The following ZKSCAN4 variants were observed in gnomAD, a reference collection of about 807,000 sequenced individuals.
ZKSCAN4 encodes zinc finger protein with KRAB and SCAN domains 4.
In ZKSCAN4, 23 loss-of-function variants were observed where a neutral mutation model predicts 30.8. That is an observed-to-expected ratio of 0.75 (90% CI 0.54 to 1.06). ZKSCAN4 has a LOEUF of 1.06. Among genes scored for constraint, ZKSCAN4 ranks in the 50% least tolerant of loss-of-function variants. ZKSCAN4 has a pLI of 0.00. For missense variants in ZKSCAN4, 556 were observed against 665.4 expected, an observed-to-expected ratio of 0.84 and a Z score of 1.81; for synonymous variants, 208 against 252.5, an observed-to-expected ratio of 0.82 and a Z score of 1.67.
At position 28,244,402 on chromosome 6, in the gene ZKSCAN4, G is replaced by A. The variant is rs1225196190; in HGVS notation, c.*714C>T. Among the ~76,000 whole-genome samples, 1 of 152,058 alleles carries A rather than the reference G, an allele frequency of 6.6e-6. No individual in the cohort carries two copies. The highest frequency in any genetic ancestry group is 1.5e-5 in the Non-Finnish European group (1 of 68,020). ...ACCAGACAGTGGAGTTCTATGGATG[G>A]AGCAATCTCACAGTGTCTTAATGAT... On this transcript the variant is annotated 3_prime_UTR_variant, in exon 5 of 5. Transcript: ENST00000377294.
In ZKSCAN4 at chr6:28,245,482, T is replaced by G; in HGVS notation, c.1272A>C (p.Lys424Asn). ...GGTATGGCTTCTCCCCAGTATGAAT[T>G]TTGTGATGTTCAAGGAGGCTGCAGC... The part of the protein sequence containing the change: ...SQSCSLLEHH[K>N]IHTGEKPYQC... Residue 424 changes from lysine to asparagine, a missense_variant, in exon 5 of 5, where the codon AAA becomes AAC. Transcript: ENST00000377294. The G allele has an allele frequency of 6.2e-7, 1 of 1,614,188 alleles. No individual in the cohort carries two copies.
At position 28,249,664 on chromosome 6, in the gene ZKSCAN4, A is replaced by G; in HGVS notation, c.571+23T>C. 1 of 1,603,832 alleles carries G rather than the reference A, an allele frequency of 6.2e-7. No homozygotes were observed. The highest frequency in any genetic ancestry group is 8.5e-7 in the Non-Finnish European group (1 of 1,175,742). On this transcript the variant is annotated intron_variant, in intron 2 of 4. Transcript: ENST00000377294. The surrounding 1 kb of genome is among the most constrained non-coding windows in gnomAD (Gnocchi z 4.1). ...ATTGGATGAAGTCTATAGAATTCATACAACCCAGAAGAGAATACTCACCTC... is the reference window on the plus strand; with the variant it reads ...ATTGGATGAAGTCTATAGAATTCATGCAACCCAGAAGAGAATACTCACCTC...
At position 28,245,094 on chromosome 6, in the gene ZKSCAN4, A is replaced by G; in HGVS notation, c.*22T>C. ...TCAGTTCAGTGACAAATGAGCACCA[A>G]TGTTGGCATGAATACCATGGGTCAC... On this transcript the variant is annotated 3_prime_UTR_variant, in exon 5 of 5. Coordinates refer to ENST00000377294, the MANE Select transcript of ZKSCAN4 (RefSeq NM_019110.5). The G allele has an allele frequency of 6.2e-7, 1 of 1,614,080 alleles. No homozygotes were observed. The highest frequency in any genetic ancestry group is 8.5e-7 in the Non-Finnish European group (1 of 1,179,978).
chr6:28,249,748 G>T lies in ZKSCAN4; in HGVS notation c.510C>A (p.Cys170Ter). ...TQTQGSQSSQ[C>*]QPMKALFKHE... Reference sequence around the variant, plus strand: ...GCTTGAACAGAGCCTTCATTGGCTGGCACTGGCTACTTTGAGACCCTTGAG... The same window carrying T: ...GCTTGAACAGAGCCTTCATTGGCTGTCACTGGCTACTTTGAGACCCTTGAG... The change falls in exon 2 of 5, where the codon TGC becomes TGA. Residue 170 changes from cysteine to a stop codon, truncating the protein, a stop_gained. Coordinates refer to ENST00000377294, the MANE Select transcript of ZKSCAN4 (RefSeq NM_019110.5). LOFTEE classifies it high-confidence loss of function. The surrounding 1 kb of genome is among the most constrained non-coding windows in gnomAD (Gnocchi z 4.1). The T allele has an allele frequency of 6.2e-7, 1 of 1,614,106 alleles. No individual in the cohort carries two copies. Among genetic ancestry groups the T allele is most frequent in the Non-Finnish European group, 8.5e-7 (1 of 1,180,024 alleles).
In ZKSCAN4 at chr6:28,249,759, T is replaced by C. The variant is rs1280836130; in HGVS notation, c.499A>G (p.Ser167Gly). The change falls in exon 2 of 5, where the codon AGT (serine) becomes GGT (glycine). Residue 167 changes from serine to glycine, a missense_variant. Physicochemically the swap from Ser to Gly is moderately conservative, Grantham distance 56. This residue lies in a region of ZKSCAN4 where 433 missense variants were observed against 511.5 expected (regional missense o/e 0.85). Transcript: ENST00000377294. The surrounding 1 kb of genome is among the most constrained non-coding windows in gnomAD (Gnocchi z 4.1). Reference sequence around the variant, plus strand: ...GCCTTCATTGGCTGGCACTGGCTACTTTGAGACCCTTGAGTTTGTGTCAAT... The same window carrying C: ...GCCTTCATTGGCTGGCACTGGCTACCTTGAGACCCTTGAGTTTGTGTCAAT... ...ALLTQTQGSQSSQCQPMKALF... is the reference protein window; with the variant it reads ...ALLTQTQGSQGSQCQPMKALF... 1 of 1,614,176 alleles carries C rather than the reference T, an allele frequency of 6.2e-7. No homozygotes were observed. Among genetic ancestry groups the C allele is most frequent in the Admixed American group, 1.7e-5 (1 of 60,022 alleles).
chr6:28,258,317 G>T, the ZKSCAN4 span, among the ~76,000 whole-genome samples: 7 of 152,108 alleles, frequency 4.6e-5, no homozygotes, highest in African/African-American at 1.7e-4. Context: ...TGCATAAAAC[G>T]TTTATCATTT....
At position 28,245,008 on chromosome 6, in the gene ZKSCAN4, A is replaced by G. The variant is rs116630754; in HGVS notation, c.*108T>C. ...TACATTTTCTAATACCCGATGATGT[A>G]TAGTGGTAAATAAAGCCCTGGTCCA... On this transcript the variant is annotated 3_prime_UTR_variant, in exon 5 of 5. Coordinates refer to ENST00000377294, the MANE Select transcript of ZKSCAN4 (RefSeq NM_019110.5). 4,979 of 1,309,416 alleles carry G rather than the reference A, an allele frequency of 3.8e-3. 92 individuals are homozygous for G. The African/African-American group carries it at 0.051, about 14-fold the overall frequency. 81.1% of individuals were successfully genotyped at this position (1,309,416 alleles called of 1,614,324 possible).
Position 28,251,733 on chromosome 6 carries a change from T to A in ZKSCAN4, c.248A>T (p.Gln83Leu), listed in dbSNP as rs572274190. 5 of 1,614,266 alleles carry A rather than the reference T, an allele frequency of 3.1e-6. No homozygotes were observed. The Admixed American group carries it at 8.3e-5, about 27-fold the overall frequency. ...CTGCTCCTTGCTGTGCATCTCAGGC[T>A]GCAGCCATTGTCCGCAGAGTTCTCG... ...RLRELCGQWL[Q>L]PEMHSKEQIL... Residue 83 changes from glutamine to leucine, a missense_variant, in exon 1 of 5, where the codon CAG becomes CTG. Physicochemically the swap from Gln to Leu is moderately radical, Grantham distance 113. Around this residue, in one of 3 missense-constraint regions of ZKSCAN4, gnomAD observed 115 missense variants for 125.9 expected, o/e 0.91. Coordinates refer to ENST00000377294, the MANE Select transcript of ZKSCAN4 (RefSeq NM_019110.5). The surrounding 1 kb of genome is among the most constrained non-coding windows in gnomAD (Gnocchi z 4.5).
At chr6:28,250,723 T>TAC (rs1760957936) in intron 1 of ZKSCAN4, among the ~76,000 whole-genome samples, 1 of 152,166 alleles carries the variant, frequency 6.6e-6, no homozygotes, top group African/African-American at 2.4e-5. Context: ...AAATTACAGT[T>TAC]TTCAAGTTAC....
chr6:28,246,125 G>A lies in ZKSCAN4; in HGVS notation c.779-150C>T. ...TAGAATAAGAATGGGAATAAAAAGG[G>A]AGAACAGGGGTGCTGGGGAGGAAGG... is the stretch of plus-strand genomic sequence containing the variant. On this transcript the variant is annotated intron_variant, in intron 4 of 4. Coordinates refer to ENST00000377294, the MANE Select transcript of ZKSCAN4 (RefSeq NM_019110.5). The A allele has an allele frequency of 4.6e-6, 5 of 1,076,122 alleles. No homozygotes were observed. In the South Asian group the frequency reaches 7.7e-5, roughly 17 times the overall value. 66.7% of individuals were successfully genotyped at this position (1,076,122 alleles called of 1,614,324 possible). A position where few individuals can be genotyped will look rare whatever the true frequency, so the allele number is the denominator to read the frequency against.
rs1760553110 is a variant in ZKSCAN4, at chr6:28,243,011, AAAGTT to A, written c.*2100_*2104del. ...TAACATCAGAAACAAATATCACAGA[AAAGTT>A]AACAGAGTTGTCTGTAATGAGTTTG... is the stretch of plus-strand genomic sequence containing the variant. On this transcript the variant is annotated 3_prime_UTR_variant, in exon 5 of 5. Coordinates refer to ENST00000377294, the MANE Select transcript of ZKSCAN4 (RefSeq NM_019110.5). Among the ~76,000 whole-genome samples the A allele has an allele frequency of 6.6e-6, 1 of 152,346 alleles. No homozygotes were observed. The highest frequency in any genetic ancestry group is 6.5e-5 in the Admixed American group (1 of 15,306).
intron 2 of ZKSCAN4, among the ~76,000 whole-genome samples, chr6:28,248,899 A>G (rs907845498): frequency 6.6e-6 from 1 of 152,074 alleles, no homozygotes; most frequent in African/African-American, 2.4e-5. Flanking sequence ...TCCAGAAAGG[A>G]GGCAATGGAA....
At position 28,248,148 on chromosome 6, in the gene ZKSCAN4, AACT is replaced by A; in HGVS notation, c.572-2_572del. 6.2e-7 allele frequency: 1 copy of A among 1,612,740 alleles called. No homozygotes were observed. Among genetic ancestry groups the A allele is most frequent in the Non-Finnish European group, 8.5e-7 (1 of 1,179,264 alleles). Reference sequence around the variant, plus strand: ...CCTGGGCAAGCCCAGGAACCTGGAGAACTAAGAAAGAAAGAAGCTCTGGATGAG... The same window carrying A: ...CCTGGGCAAGCCCAGGAACCTGGAGAAAGAAAGAAAGAAGCTCTGGATGAG... On this transcript the variant is annotated splice_acceptor_variant and coding_sequence_variant, in exon 3 of 5. Transcript: ENST00000377294. LOFTEE classifies it high-confidence loss of function.
chr6:28,248,315 G>A (rs1358935264), intron 2 of ZKSCAN4, among the ~76,000 whole-genome samples, 166 bp from the exon 3 acceptor site: 3 of 152,202 alleles, frequency 2.0e-5, no homozygotes, highest in Non-Finnish European at 2.9e-5. Flanking sequence ...CCCTAGGGCC[G>A]AAAGAAGTCT....
chr6:28,254,520 A>T (rs1761126093), upstream of ZKSCAN4, among the ~76,000 whole-genome samples: 1 of 152,066 alleles, frequency 6.6e-6, no homozygotes, highest in Admixed American at 6.5e-5. Context: ...TTGGAGCCCC[A>T]CTTCTGGAGT....
At chr6:28,247,928 T>G in intron 3 of ZKSCAN4, 139 bp downstream of exon 3, 1 of 542,498 alleles carries the variant, frequency 1.8e-6, no homozygotes, top group Non-Finnish European at 3.2e-6. Context: ...ATATGCAACT[T>G]TGGGATAGAT....
chr6:28,246,089 G>A, intron 4 of ZKSCAN4, 114 bp from the exon 5 acceptor site: 1 of 1,384,456 alleles, frequency 7.2e-7, no homozygotes, highest in Non-Finnish European at 1.0e-6. Flanking sequence ...CCAGGATGAG[G>A]ATTTAAGTGC....
At chr6:28,246,859 G>C (rs1044918204) in intron 4 of ZKSCAN4, 110 bp downstream of exon 4, 1 of 1,325,154 alleles carries the variant, frequency 7.5e-7, no homozygotes, top group African/African-American at 1.5e-5. Context: ...CAGGAATGGT[G>C]ATTCTGAATC....
rs1368357748 is a variant in ZKSCAN4, at chr6:28,249,483, A to G, written c.571+204T>C. 1.3e-5 allele frequency among the ~76,000 whole-genome samples: 2 copies of G among 152,202 alleles called. No homozygotes were observed. The highest frequency in any genetic ancestry group is 3.8e-4 in the East Asian group (2 of 5,204). Reference sequence around the variant, plus strand: ...AAAAACCGATTCTTTCTAGACATCAATTTTAATAAAATCAGATTTACTATG... The same window carrying G: ...AAAAACCGATTCTTTCTAGACATCAGTTTTAATAAAATCAGATTTACTATG... On this transcript the variant is annotated intron_variant, in intron 2 of 4. Transcript: ENST00000377294. This position sits in a 1 kb window ranked among gnomAD's most constrained non-coding sequence, Gnocchi z 4.1.
Sources: gnomAD v4.1 joint callset for allele counts (sites outside exome capture counted in the v4.1 genomes callset) on GRCh38, gnomAD v4.1.1 for gene constraint, gnomAD v4.1.1 regional missense constraint, Gnocchi (gnomAD v3.1) non-coding constraint, MANE v1.5 for transcripts, NCBI Gene and HGNC (gene_info 2026-07-23, HGNC 2026-07-21) for gene names.